FAAH2: variants seen among roughly 807,000 people sequenced by gnomAD.
The protein encoded by FAAH2 is fatty acid amide hydrolase 2, also known as fatty-acid amide hydrolase 2.
In FAAH2, 60 loss-of-function variants were observed where a neutral mutation model predicts 36.9. The ratio of observed to expected loss-of-function variants is 1.63; its 90% CI spans 1.32 to 2.02. The LOEUF (loss-of-function observed/expected upper bound fraction) is 2.02, where lower values mean the gene tolerates loss of function less well. Among genes scored for constraint, FAAH2 ranks in the 30% most tolerant of loss-of-function variants. FAAH2 has a pLI of 0.00. For synonymous variants in FAAH2, 214 were observed against 143.8 expected (o/e 1.49, Z -3.49); for missense variants, 689 against 397.5 (o/e 1.73, Z -6.23).
chrX:57,391,085 C>T lies in FAAH2; in HGVS notation c.996+10056C>T, dbSNP rs752509852. 1.3e-3 allele frequency among the ~76,000 whole-genome samples: 146 copies of T among 111,117 alleles called. 1 individual carries two copies. Among genetic ancestry groups the T allele is most frequent in the Middle Eastern group, 4.6e-3 (1 of 216 alleles). On this transcript the variant is annotated intron_variant, in intron 7 of 10. Coordinates refer to ENST00000374900, the MANE Select transcript of FAAH2 (RefSeq NM_174912.4). ...TTCTCTGATGACTAGTGATGTTGAG[C>T]ACCTTTTCATAATTTTTTTTTGTAG...
At chrX:57,295,273 C>G (rs921437612) in intron 2 of FAAH2, among the ~76,000 whole-genome samples, 1 of 112,231 alleles carries the variant, frequency 8.9e-6, no homozygotes, top group African/African-American at 3.2e-5. Flanking sequence ...CTGGAATCAA[C>G]TACTGTTGCC....
the FAAH2 span, among the ~76,000 whole-genome samples, chrX:57,203,608 C>T: frequency 8.9e-6 from 1 of 111,936 alleles, no homozygotes; most frequent in African/African-American, 3.2e-5. Context: ...TCGGGATCCA[C>T]ATATGCAGAC....
At chrX:57,299,813 C>T (rs1344568129) in intron 2 of FAAH2, among the ~76,000 whole-genome samples, 1 of 111,685 alleles carries the variant, frequency 9.0e-6, no homozygotes, top group Non-Finnish European at 1.9e-5. Flanking sequence ...ACACCAATAA[C>T]AGACAAACAG....
intron 3 of FAAH2, among the ~76,000 whole-genome samples, chrX:57,319,198 G>A (rs1464294791): frequency 4.5e-5 from 5 of 111,560 alleles, no homozygotes; most frequent in African/African-American, 1.6e-4. Context: ...AAGAAATAAA[G>A]CATATTCAAA....
the FAAH2 span, among the ~76,000 whole-genome samples, chrX:57,277,483 C>A: frequency 9.0e-6 from 1 of 111,531 alleles, no homozygotes; most frequent in Non-Finnish European, 1.9e-5. Flanking sequence ...AATGGGCAAA[C>A]CTGGAAGCAT....
chrX:57,391,207 C>T (rs1267198532), intron 7 of FAAH2, among the ~76,000 whole-genome samples: 1 of 110,392 alleles, frequency 9.1e-6, no homozygotes, highest in African/African-American at 3.3e-5. Flanking sequence ...TTCTTGTAGA[C>T]TGTGGATATT....
intron 10 of FAAH2, among the ~76,000 whole-genome samples, chrX:57,462,870 T>C (rs980035941): frequency 2.7e-5 from 3 of 112,005 alleles, no homozygotes; most frequent in Non-Finnish European, 5.6e-5. Flanking sequence ...AGTCAAATTG[T>C]CTCTGTATGC....
rs139591752 is a variant in FAAH2, at chrX:57,438,089, A to T, written c.1116+6052A>T. 2.6e-3 allele frequency among the ~76,000 whole-genome samples: 271 copies of T among 104,904 alleles called. 1 individual carries two copies. The highest frequency in any genetic ancestry group is 5.1e-3 in the South Asian group (13 of 2,542). The allele number at this position is 104,904 out of a possible 115,157, so 91.1% of individuals were successfully genotyped here. On this transcript the variant is annotated intron_variant, in intron 8 of 10. Coordinates refer to ENST00000374900, the MANE Select transcript of FAAH2 (RefSeq NM_174912.4). Reference sequence around the variant, plus strand: ...TGTATATACATACATACACGTGTATATATGTATTGTCCAATGTATTGAATT... The same window carrying T: ...TGTATATACATACATACACGTGTATTTATGTATTGTCCAATGTATTGAATT...
intron 1 of FAAH2, among the ~76,000 whole-genome samples, chrX:57,290,891 T>G (rs1457333994): frequency 8.9e-6 from 1 of 111,930 alleles, no homozygotes; most frequent in Non-Finnish European, 1.9e-5. Context: ...ACCTCTTAGA[T>G]CCATTGGTTA....
the FAAH2 span, among the ~76,000 whole-genome samples, chrX:57,280,965 A>G: frequency 1.8e-5 from 2 of 112,137 alleles, no homozygotes; most frequent in African/African-American, 6.5e-5. Context: ...AAAGAAACAA[A>G]CCCCAATTGG....
the FAAH2 span, among the ~76,000 whole-genome samples, chrX:57,126,114 C>A: frequency 8.9e-6 from 1 of 112,349 alleles, no homozygotes; most frequent in African/African-American, 3.2e-5. Flanking sequence ...CAAAAACAAT[C>A]ATTAACTAAT....
At chrX:57,321,230 C>G (rs1270436521) in intron 3 of FAAH2, among the ~76,000 whole-genome samples, 2 of 109,914 alleles carry the variant, frequency 1.8e-5, no homozygotes, top group African/African-American at 6.6e-5. Flanking sequence ...TAACACAAAT[C>G]GGAAAACACT....
At chrX:57,127,022 C>T in the FAAH2 span, 1 of 111,065 alleles carries the variant, frequency 9.0e-6, no homozygotes, top group African/African-American at 3.3e-5. Flanking sequence ...CTGATCATAC[C>T]ATCCCTGGAG....
intron 7 of FAAH2, among the ~76,000 whole-genome samples, chrX:57,416,047 A>G (rs149793285): frequency 2.2e-3 from 242 of 109,971 alleles, no homozygotes; most frequent in African/African-American, 7.4e-3. Flanking sequence ...TAGGATTGCA[A>G]CCCCTGCTTG....
intron 7 of FAAH2, among the ~76,000 whole-genome samples, chrX:57,410,942 G>T (rs996292377): frequency 2.7e-5 from 3 of 111,457 alleles, no homozygotes; most frequent in Non-Finnish European, 1.9e-5. Flanking sequence ...TTTCTTTGGG[G>T]TCAGTCACTG....
the FAAH2 span, among the ~76,000 whole-genome samples, chrX:57,199,139 T>C: frequency 9.0e-6 from 1 of 111,643 alleles, no homozygotes; most frequent in African/African-American, 3.3e-5. Context: ...TTTTTCCCTT[T>C]CCTTTATCTA....
intron 10 of FAAH2, among the ~76,000 whole-genome samples, chrX:57,483,875 C>T (rs1221447798): frequency 9.8e-6 from 1 of 101,673 alleles, no homozygotes; most frequent in Non-Finnish European, 2.0e-5. Context: ...TCTCAGCTCA[C>T]CACAAGCTCC....
the FAAH2 span, among the ~76,000 whole-genome samples, chrX:57,210,620 C>A: frequency 4.4e-5 from 5 of 112,474 alleles, no homozygotes; most frequent in East Asian, 1.4e-3. Context: ...TTTCAAAGAG[C>A]ATCTACAAAG....
At chrX:57,341,778 C>T (rs888005814) in intron 5 of FAAH2, among the ~76,000 whole-genome samples, 2 of 111,046 alleles carry the variant, frequency 1.8e-5, no homozygotes, top group Non-Finnish European at 3.8e-5. Context: ...ATCCACTGTA[C>T]TAAAATGACT....
Sources: gnomAD v4.1 joint callset for allele counts (sites outside exome capture counted in the v4.1 genomes callset) on GRCh38, gnomAD v4.1.1 for gene constraint, MANE v1.5 for transcripts, NCBI Gene and HGNC (gene_info 2026-07-23, HGNC 2026-07-21) for gene names.